Variants in CDH4 observed in about 807,000 individuals in gnomAD.
CDH4 encodes the protein cadherin 4.
CDH4 carries 33 observed loss-of-function variants against 86.0 expected under a neutral mutation model. The observed-to-expected ratio is 0.38, with a 90% CI of 0.29 to 0.51. The LOEUF (loss-of-function observed/expected upper bound fraction) is 0.51. CDH4 is among the 20% of genes least tolerant of loss of function. CDH4 has a pLI of 0.86. For synonymous variants in CDH4, 555 were observed against 549.4 expected, an observed-to-expected ratio of 1.01 and a Z score of -0.14; for missense variants, 1,114 against 1,307.4, an observed-to-expected ratio of 0.85 and a Z score of 2.28.
intron 2 of CDH4, among the ~76,000 whole-genome samples, chr20:61,487,425 A>T (rs1048382379): frequency 3.3e-5 from 5 of 152,096 alleles, no homozygotes; most frequent in Admixed American, 3.3e-4. Context: ...CACAACTTTT[A>T]ATTTATTTAT....
intron 2 of CDH4, among the ~76,000 whole-genome samples, chr20:61,325,743 G>GA (rs1327679968): frequency 3.3e-5 from 5 of 151,786 alleles, no homozygotes; most frequent in South Asian, 2.1e-4. Context: ...TTTAAAAAAA[G>GA]AAAAAAAAGC....
chr20:61,699,532 T>C (rs55983192), intron 2 of CDH4, among the ~76,000 whole-genome samples: 38,720 of 151,990 alleles, frequency 0.25, 6,626 homozygotes, highest in Non-Finnish European at 0.36. Flanking sequence ...CTCTCCGAGT[T>C]GTTGTCCACT....
intron 5 of CDH4, among the ~76,000 whole-genome samples, chr20:61,845,032 G>A (rs1051810108): frequency 6.6e-6 from 1 of 152,258 alleles, no homozygotes; most frequent in Non-Finnish European, 1.5e-5. Context: ...TGGGCCCAGG[G>A]TGGGCCTGGG....
At chr20:61,477,550 G>A (rs2085545247) in intron 2 of CDH4, among the ~76,000 whole-genome samples, 3 of 152,348 alleles carry the variant, frequency 2.0e-5, no homozygotes, top group Middle Eastern at 3.4e-3. Flanking sequence ...TCTGCGGAGC[G>A]TGGAAGAAGG....
chr20:61,908,404 A>G (rs2054814918), intron 8 of CDH4, among the ~76,000 whole-genome samples: 1 of 152,160 alleles, frequency 6.6e-6, no homozygotes, highest in Admixed American at 6.5e-5. Flanking sequence ...GTCTTTGTCC[A>G]CTGGTCTAAT....
chr20:61,398,939 T>G (rs1043720304), intron 2 of CDH4, among the ~76,000 whole-genome samples: 2 of 152,124 alleles, frequency 1.3e-5, no homozygotes, highest in African/African-American at 4.8e-5. Context: ...CATTTTCAGA[T>G]TGTGCAGCCT....
At chr20:61,852,716 C>A (rs182816710) in intron 5 of CDH4, 38 bp from the exon 6 acceptor site, 410 of 1,591,894 alleles carry the variant, frequency 2.6e-4, no homozygotes, top group Non-Finnish European at 3.4e-4. Flanking sequence ...GTGGGGGTGC[C>A]CACCCGCCAC....
chr20:61,553,963 A>G (rs1441174621), intron 2 of CDH4, among the ~76,000 whole-genome samples: 1 of 152,168 alleles, frequency 6.6e-6, no homozygotes, highest in East Asian at 1.9e-4. Context: ...CTGTGCCTGC[A>G]GGGGCCAGGT....
At chr20:61,503,284 A>G (rs753351843) in intron 2 of CDH4, among the ~76,000 whole-genome samples, 8 of 152,254 alleles carry the variant, frequency 5.3e-5, no homozygotes, top group Non-Finnish European at 1.0e-4. Flanking sequence ...AGGTGGAGCA[A>G]CAGGTGAGTC....
chr20:61,390,929 T>C (rs1257601500), intron 2 of CDH4, among the ~76,000 whole-genome samples: 1 of 152,268 alleles, frequency 6.6e-6, no homozygotes, highest in African/African-American at 2.4e-5. Flanking sequence ...TTTCTTTGTA[T>C]TGGCTTTCCA....
At chr20:61,538,739 G>A (rs1322936745) in intron 2 of CDH4, among the ~76,000 whole-genome samples, 2 of 152,216 alleles carry the variant, frequency 1.3e-5, no homozygotes, top group African/African-American at 4.8e-5. Context: ...ACTGTCCCCA[G>A]GCCTGGGTCA....
At chr20:61,762,715 T>C (rs2088650354) in intron 3 of CDH4, among the ~76,000 whole-genome samples, 1 of 152,210 alleles carries the variant, frequency 6.6e-6, no homozygotes, top group Non-Finnish European at 1.5e-5. Flanking sequence ...ACCCCCAGGC[T>C]CTGCAGCTAC....
At chr20:61,783,340 C>A (rs1978646889) in intron 4 of CDH4, among the ~76,000 whole-genome samples, 1 of 152,220 alleles carries the variant, frequency 6.6e-6, no homozygotes, top group African/African-American at 2.4e-5. Context: ...TGCCCACAAC[C>A]TTTCCTTAAT....
chr20:61,512,672 G>A (rs558204412), intron 2 of CDH4, among the ~76,000 whole-genome samples: 34 of 152,326 alleles, frequency 2.2e-4, no homozygotes, highest in Non-Finnish European at 4.0e-4. Flanking sequence ...CCAGGGCAGC[G>A]TTTCCAGGAC....
At chr20:61,622,823 C>T (rs1033688369) in intron 2 of CDH4, among the ~76,000 whole-genome samples, 2 of 152,274 alleles carry the variant, frequency 1.3e-5, no homozygotes, top group East Asian at 3.9e-4. Context: ...CAAACGTTGC[C>T]CCATCCCCTG....
chr20:61,840,479 G>A (rs1982110026), intron 4 of CDH4, among the ~76,000 whole-genome samples: 2 of 152,208 alleles, frequency 1.3e-5, no homozygotes, highest in South Asian at 4.1e-4. Context: ...GAGGAGAACC[G>A]GCCTTCCAAG....
At chr20:61,325,146 G>A (rs940175974) in intron 2 of CDH4, among the ~76,000 whole-genome samples, 3 of 151,646 alleles carry the variant, frequency 2.0e-5, no homozygotes, top group Non-Finnish European at 4.4e-5. Context: ...GGTGCCTGAC[G>A]CACAGCCAGC....
At chr20:61,682,837 A>G (rs1054944314) in intron 2 of CDH4, among the ~76,000 whole-genome samples, 5 of 152,028 alleles carry the variant, frequency 3.3e-5, no homozygotes, top group African/African-American at 1.2e-4. Flanking sequence ...GGCATTTGTT[A>G]TGGAAACGTT....
At chr20:61,772,267 C>T (rs1054444988) in intron 3 of CDH4, among the ~76,000 whole-genome samples, 3 of 152,206 alleles carry the variant, frequency 2.0e-5, no homozygotes, top group African/African-American at 4.8e-5. Flanking sequence ...CACCCTCAGC[C>T]GTCAGCCTCC....
Sources: allele counts gnomAD v4.1 joint callset (sites outside exome capture counted in the v4.1 genomes callset), GRCh38; gene constraint gnomAD v4.1.1; transcripts MANE v1.5; gene names NCBI Gene and HGNC (gene_info 2026-07-23, HGNC 2026-07-21).